The following NMBR variants were observed in gnomAD, a reference collection of about 807,000 sequenced individuals.
The protein encoded by NMBR is neuromedin-B receptor.
NMBR carries 16 observed loss-of-function variants against 20.5 expected under a neutral mutation model. The observed-to-expected ratio is 0.78, with a 90% CI of 0.53 to 1.19. NMBR has a LOEUF of 1.19. Ranked by LOEUF, NMBR falls within the 50% of genes most tolerant of loss-of-function variation. NMBR has a pLI of 0.00. For missense variants in NMBR, 582 were observed against 499.1 expected (o/e 1.17, Z -1.58); for synonymous variants, 212 against 196.6 (o/e 1.08, Z -0.65).
intron 2 of NMBR, among the ~76,000 whole-genome samples, chr6:142,080,698 C>T (rs966911044): frequency 6.6e-6 from 1 of 152,022 alleles, no homozygotes; most frequent in Non-Finnish European, 1.5e-5. Flanking sequence ...GTAATCTCTC[C>T]CAATAAATTT....
rs1451014953 is a variant in NMBR, at chr6:142,074,553, T to G, written c.*1095A>C. Among the ~76,000 whole-genome samples, 2 of 152,152 alleles carry G rather than the reference T, an allele frequency of 1.3e-5. No homozygotes were observed. Among genetic ancestry groups the G allele is most frequent in the African/African-American group, 2.4e-5 (1 of 41,442 alleles). ...TAGCTTTTAAACTGTAATCAATACA[T>G]TTGCATTTTCCTAAAAAAAGAAGAC... On this transcript the variant is annotated 3_prime_UTR_variant, in exon 4 of 4. Coordinates refer to ENST00000258042, the MANE Select transcript of NMBR (RefSeq NM_002511.4).
chr6:142,097,766 A>G (rs75256403), intron 1 of NMBR, among the ~76,000 whole-genome samples: 1,830 of 152,260 alleles, frequency 0.012, 38 homozygotes, highest in South Asian at 0.068. Flanking sequence ...GGCACAGATG[A>G]TAGATGTATA....
rs577554240 is a variant in NMBR, at chr6:142,109,218, G to A, written c.-663-19897C>T. On this transcript the variant is annotated intron_variant, in intron 1 of 3. Transcript: ENST00000258042. The stretch of plus-strand genomic sequence containing the variant: ...CCATTCCGGGCTCTGGAGGAGAGTG[G>A]CCCCCTTCTCATAGTTCCATTAAGC... Among the ~76,000 whole-genome samples, 11 of 152,184 alleles carry A rather than the reference G, an allele frequency of 7.2e-5. No homozygotes were observed. The South Asian group carries it at 2.3e-3, about 32-fold the overall frequency.
At chr6:142,127,257 C>T (rs1032502432) in intron 1 of NMBR, among the ~76,000 whole-genome samples, 1 of 151,872 alleles carries the variant, frequency 6.6e-6, no homozygotes, top group Admixed American at 6.6e-5. Flanking sequence ...TATCACTTCC[C>T]CACTGGATTT....
At chr6:142,142,827 GT>G in intron 1 of NMBR, among the ~76,000 whole-genome samples, 1 of 152,260 alleles carries the variant, frequency 6.6e-6, no homozygotes, top group Non-Finnish European at 1.5e-5. Context: ...GTTCATGCCT[GT>G]AATCCCAGCA....
At chr6:142,122,489 T>C (rs927368810) in intron 1 of NMBR, among the ~76,000 whole-genome samples, 1 of 152,108 alleles carries the variant, frequency 6.6e-6, no homozygotes, top group East Asian at 1.9e-4. Context: ...AAATAATTGA[T>C]GAAGGTGGCA....
intron 1 of NMBR, among the ~76,000 whole-genome samples, chr6:142,143,174 C>T (rs1778383685): frequency 1.3e-5 from 2 of 151,928 alleles, no homozygotes; most frequent in African/African-American, 4.8e-5. Context: ...ATTTACAATG[C>T]AATAAAAAAT....
intron 1 of NMBR, among the ~76,000 whole-genome samples, chr6:142,090,034 T>C (rs1441937881): frequency 6.6e-6 from 1 of 152,172 alleles, no homozygotes; most frequent in African/African-American, 2.4e-5. Context: ...AGAGTATATG[T>C]ATGCTTATGA....
intron 1 of NMBR, among the ~76,000 whole-genome samples, chr6:142,139,066 C>T (rs1043129300): frequency 1.3e-5 from 2 of 152,134 alleles, no homozygotes; most frequent in Admixed American, 6.6e-5. Flanking sequence ...ATTCTACCCT[C>T]CTGCTGGTTG....
intron 1 of NMBR, among the ~76,000 whole-genome samples, chr6:142,123,269 G>A (rs963878247): frequency 6.6e-6 from 1 of 151,914 alleles, no homozygotes; most frequent in Non-Finnish European, 1.5e-5. Flanking sequence ...TTAGAAGTGG[G>A]GGGCCTGAAG....
chr6:142,134,116 G>A (rs1044178045), intron 1 of NMBR: 4 of 525,200 alleles, frequency 7.6e-6, no homozygotes, highest in African/African-American at 5.7e-5. Flanking sequence ...CATAATATGA[G>A]AAATACCCTA....
At chr6:142,091,659 G>T (rs1777326063) in intron 1 of NMBR, among the ~76,000 whole-genome samples, 1 of 152,148 alleles carries the variant, frequency 6.6e-6, no homozygotes, top group African/African-American at 2.4e-5. Context: ...AAGATAAATT[G>T]TCTAATTTGA....
intron 1 of NMBR, chr6:142,134,423 T>C: frequency 4.5e-6 from 2 of 444,968 alleles, no homozygotes; most frequent in Non-Finnish European, 7.9e-6. Flanking sequence ...TTTATGAAAC[T>C]TGGAATTTTT....
chr6:142,081,111 T>C (rs748112184), intron 2 of NMBR, among the ~76,000 whole-genome samples: 1 of 152,174 alleles, frequency 6.6e-6, no homozygotes, highest in Non-Finnish European at 1.5e-5. Context: ...CATAGATAGA[T>C]CTTCTTGCTG....
At chr6:142,078,075 C>T (rs1776987142) in intron 3 of NMBR, among the ~76,000 whole-genome samples, 1 of 152,122 alleles carries the variant, frequency 6.6e-6, no homozygotes, top group Non-Finnish European at 1.5e-5. Context: ...TCTTGCTATT[C>T]CCCTCATCTC....
At position 142,144,241 on chromosome 6, in the gene NMBR, C is replaced by T. The variant is rs1294183671; in HGVS notation, c.-664+2803G>A. Among the ~76,000 whole-genome samples, 31 of 152,118 alleles carry T rather than the reference C, an allele frequency of 2.0e-4. 2 individuals are homozygous for T. The highest frequency in any genetic ancestry group is 2.0e-3 in the Admixed American group (31 of 15,276). On this transcript the variant is annotated intron_variant, in intron 1 of 3. Coordinates refer to ENST00000258042, the MANE Select transcript of NMBR (RefSeq NM_002511.4). ...TCTCATGATACTGGAAGCCAAATTTCTACCACATACAGTATCTTAAAAAGA... is the reference window on the plus strand; with the variant it reads ...TCTCATGATACTGGAAGCCAAATTTTTACCACATACAGTATCTTAAAAAGA...
chr6:142,117,601 GA>G, intron 1 of NMBR, among the ~76,000 whole-genome samples: 1 of 151,892 alleles, frequency 6.6e-6, no homozygotes, highest in East Asian at 1.9e-4. Flanking sequence ...AAATTCTAAT[GA>G]TAGCCCAGCA....
intron 1 of NMBR, among the ~76,000 whole-genome samples, chr6:142,141,736 C>T (rs1219265655): frequency 6.6e-6 from 1 of 152,044 alleles, no homozygotes; most frequent in Non-Finnish European, 1.5e-5. Flanking sequence ...AACTCCTGAC[C>T]CCGCGATTCA....
Position 142,083,332 on chromosome 6 carries a change from C to T in NMBR, c.423-4429G>A, listed in dbSNP as rs190263315. On this transcript the variant is annotated intron_variant, in intron 2 of 3. Transcript: ENST00000258042. Reference sequence around the variant, plus strand: ...CAAATTTTTCTTTTTGAAAAGGCTACGAGAAAGCTCTCAGAAAAACCTATG... The same window carrying T: ...CAAATTTTTCTTTTTGAAAAGGCTATGAGAAAGCTCTCAGAAAAACCTATG... Among the ~76,000 whole-genome samples, 183 of 152,254 alleles carry T rather than the reference C, an allele frequency of 1.2e-3. 4 individuals carry two copies. Among genetic ancestry groups the T allele is most frequent in the Admixed American group, 1.6e-3 (25 of 15,292 alleles).
Sources: gnomAD v4.1 joint callset for allele counts (sites outside exome capture counted in the v4.1 genomes callset) on GRCh38, gnomAD v4.1.1 for gene constraint, MANE v1.5 for transcripts, NCBI Gene and HGNC (gene_info 2026-07-23, HGNC 2026-07-21) for gene names.